Variants in EFCAB13 observed in about 807,000 individuals in gnomAD.
EFCAB13 encodes the protein EF-hand calcium-binding domain-containing protein 13.
A neutral mutation model predicts 110.2 loss-of-function variants in EFCAB13; 91 were observed. The ratio of observed to expected loss-of-function variants is 0.83; its 90% CI spans 0.70 to 0.98. EFCAB13 has a LOEUF of 0.98. EFCAB13 is among the 50% of genes least tolerant of loss of function. The pLI, the probability that EFCAB13 is intolerant of heterozygous loss-of-function variation, is 0.00. For synonymous variants in EFCAB13, 323 were observed against 369.9 expected (o/e 0.87, Z 1.45); for missense variants, 968 against 1,119.4 (o/e 0.86, Z 1.93).
chr17:47,340,080 T>TA (rs2065375358), intron 5 of EFCAB13: 1 of 152,216 alleles, frequency 6.6e-6, no homozygotes, highest in Admixed American at 6.5e-5. Flanking sequence ...TTAAACTGCA[T>TA]CAAATATATT....
chr17:47,352,726 T>TTGTG (rs1020889076), intron 9 of EFCAB13, among the ~76,000 whole-genome samples: 21 of 152,180 alleles, frequency 1.4e-4, no homozygotes, highest in African/African-American at 5.1e-4. Context: ...CATGGGATGT[T>TTGTG]TTTCCATTTG....
chr17:47,440,402 T>C (rs778790285), intron 24 of EFCAB13, 29 bp from the exon 25 acceptor site: 3 of 1,523,636 alleles, frequency 2.0e-6, no homozygotes, highest in Admixed American at 2.3e-5. Flanking sequence ...TAATTCTTTC[T>C]TTTAAGTAAA....
chr17:47,329,648 T>G (rs888833366), intron 4 of EFCAB13, among the ~76,000 whole-genome samples: 7 of 152,202 alleles, frequency 4.6e-5, no homozygotes, highest in African/African-American at 1.4e-4. Context: ...TAATTTATAC[T>G]TCACAGATGG....
intron 22 of EFCAB13, 26 bp from the exon 23 acceptor site, chr17:47,414,822 C>A: frequency 6.7e-7 from 1 of 1,489,920 alleles, no homozygotes; most frequent in South Asian, 1.2e-5. Context: ...TTTTTAATGT[C>A]AGCATTTTTT....
chr17:47,409,278 G>A (rs2065821282), intron 20 of EFCAB13: 1 of 181,518 alleles, frequency 5.5e-6, no homozygotes, highest in Non-Finnish European at 1.2e-5. Context: ...TCTGGGACTA[G>A]ATAGTATATA....
intron 24 of EFCAB13, among the ~76,000 whole-genome samples, chr17:47,432,159 T>C (rs1347982753): frequency 1.3e-5 from 2 of 152,102 alleles, no homozygotes; most frequent in African/African-American, 2.4e-5. Flanking sequence ...CCCAGCACTT[T>C]GGGAGGCCGA....
At chr17:47,325,971 A>T (rs1364090407) in intron 2 of EFCAB13, among the ~76,000 whole-genome samples, 1 of 114,232 alleles carries the variant, frequency 8.8e-6, no homozygotes, top group African/African-American at 3.2e-5. Context: ...TAGCATATAT[A>T]TATTTTGTTC....
intron 20 of EFCAB13, among the ~76,000 whole-genome samples, chr17:47,408,615 G>T (rs935607098): frequency 9.9e-5 from 15 of 152,118 alleles, no homozygotes; most frequent in Non-Finnish European, 1.9e-4. Flanking sequence ...TCACGTCATT[G>T]CACTCCAGTC....
rs772646058 is a variant in EFCAB13 at position 47,379,203 on chromosome 17, A to G, written c.1532A>G (p.Asp511Gly). 2 of 1,613,434 alleles carry G rather than the reference A, an allele frequency of 1.2e-6. No individual in the cohort carries two copies. Among genetic ancestry groups the G allele is most frequent in the Non-Finnish European group, 8.5e-7 (1 of 1,179,550 alleles). ...SRNENGMVEL[D>G]DFVNALAKER... ...ACAGAGAATGGAATGGTGGAGTTAG[A>G]TGACTTTGTAAATGCTCTCGCCAAG... The change falls in exon 14 of 25, where the codon GAT becomes GGT. Residue 511 changes from aspartate to glycine, a missense_variant. Coordinates refer to ENST00000331493, the MANE Select transcript of EFCAB13 (RefSeq NM_152347.5).
chr17:47,419,613 T>C (rs1445090008), intron 23 of EFCAB13, among the ~76,000 whole-genome samples: 1 of 152,152 alleles, frequency 6.6e-6, no homozygotes, highest in East Asian at 1.9e-4. Flanking sequence ...TAAATATTTG[T>C]AGCTTTCTTT....
At chr17:47,352,859 C>G (rs375656206) in intron 9 of EFCAB13, among the ~76,000 whole-genome samples, 1 of 152,216 alleles carries the variant, frequency 6.6e-6, no homozygotes, top group South Asian at 2.1e-4. Context: ...AATGGCATTG[C>G]CTTCTTGATT....
At position 47,370,749 on chromosome 17, in the gene EFCAB13, T is replaced by G. The variant is rs763739237; in HGVS notation, c.877+241T>G. On this transcript the variant is annotated intron_variant, in intron 11 of 24. Coordinates refer to ENST00000331493, the MANE Select transcript of EFCAB13 (RefSeq NM_152347.5). ...TGTTGTTGTTGTTTGTTTTTTTTTT[T>G]TTTTTTTTTGAGGCGGAGTTTTGCT... 3.5e-3 allele frequency among the ~76,000 whole-genome samples: 528 copies of G among 149,786 alleles called. 6 individuals carry two copies. The highest frequency in any genetic ancestry group is 6.0e-3 in the Non-Finnish European group (406 of 67,332).
intron 2 of EFCAB13, among the ~76,000 whole-genome samples, chr17:47,325,803 C>CT (rs202177177): frequency 2.1e-4 from 30 of 144,556 alleles, no homozygotes; most frequent in Non-Finnish European, 4.0e-4. Context: ...CCCTGCTTTA[C>CT]TTTTTTTTTT....
chr17:47,351,279 C>CTGTGTGTGTGTG (rs140772791), intron 9 of EFCAB13, among the ~76,000 whole-genome samples: 5,954 of 127,582 alleles, frequency 0.047, 236 homozygotes, highest in African/African-American at 0.11. Context: ...TAGTATTCCA[C>CTGTGTGTGTGTG]TGTGTGTGTG....
chr17:47,409,806 A>G (rs1022396264), intron 21 of EFCAB13, 115 bp downstream of exon 21: 26 of 785,258 alleles, frequency 3.3e-5, no homozygotes, highest in Admixed American at 8.1e-5. Flanking sequence ...CCAGATTACT[A>G]TTTTTCCACA....
chr17:47,394,801 G>A (rs1307936311), intron 16 of EFCAB13, among the ~76,000 whole-genome samples: 2 of 152,106 alleles, frequency 1.3e-5, no homozygotes, highest in Non-Finnish European at 1.5e-5. Flanking sequence ...GAAAGAGATT[G>A]TCAGTTACTT....
At chr17:47,346,433 A>AATCC (rs2065416316) in intron 8 of EFCAB13, among the ~76,000 whole-genome samples, 1 of 94,362 alleles carries the variant, frequency 1.1e-5, no homozygotes, top group African/African-American at 4.3e-5. Flanking sequence ...AACGTACTTT[A>AATCC]CCCCCCCCCC....
At chr17:47,423,023 C>T (rs187597463) in intron 23 of EFCAB13, among the ~76,000 whole-genome samples, 1 of 152,078 alleles carries the variant, frequency 6.6e-6, no homozygotes, top group South Asian at 2.1e-4. Context: ...CAATGGAGCA[C>T]GGAAAGGATG....
chr17:47,354,470 G>A (rs1305814947), intron 9 of EFCAB13, among the ~76,000 whole-genome samples: 2 of 152,100 alleles, frequency 1.3e-5, no homozygotes, highest in Non-Finnish European at 1.5e-5. Context: ...TGTCAGTTGA[G>A]TATTGAAGCC....
Sources: allele counts gnomAD v4.1 joint callset (sites outside exome capture counted in the v4.1 genomes callset), GRCh38; gene constraint gnomAD v4.1.1; transcripts MANE v1.5; gene names NCBI Gene and HGNC (gene_info 2026-07-23, HGNC 2026-07-21).